MAGI2: variants seen among roughly 807,000 people sequenced by gnomAD.
The protein encoded by MAGI2 is membrane associated guanylate kinase, WW and PDZ domain containing 2, also known as membrane-associated guanylate kinase, WW and PDZ domain-containing protein 2.
In MAGI2, 35 loss-of-function variants were observed where a neutral mutation model predicts 133.3. The ratio of observed to expected loss-of-function variants is 0.26; its 90% CI spans 0.20 to 0.35. The LOEUF (loss-of-function observed/expected upper bound fraction) is 0.35. Ranked by LOEUF, MAGI2 falls within the 10% of genes least tolerant of loss-of-function variation. MAGI2 has a pLI of 1.00. For synonymous variants in MAGI2, 729 were observed against 710.6 expected (o/e 1.03, Z -0.41); for missense variants, 1,636 against 1,863.4 (o/e 0.88, Z 2.25).
intron 2 of MAGI2, among the ~76,000 whole-genome samples, chr7:78,717,787 C>T (rs1819863040): frequency 2.0e-5 from 3 of 152,132 alleles, no homozygotes; most frequent in African/African-American, 4.8e-5. Context: ...CTTTCCTAAG[C>T]ACAGAGCTTG....
At chr7:78,343,175 A>T (rs1790568564) in intron 9 of MAGI2, among the ~76,000 whole-genome samples, 1 of 152,192 alleles carries the variant, frequency 6.6e-6, no homozygotes, top group African/African-American at 2.4e-5. Context: ...TGTATTTTAT[A>T]TGTTTCTGTC....
chr7:78,878,962 A>C (rs1230197839), intron 2 of MAGI2, among the ~76,000 whole-genome samples: 1 of 152,096 alleles, frequency 6.6e-6, no homozygotes, highest in Non-Finnish European at 1.5e-5. Flanking sequence ...GATTCACCTC[A>C]TTCTTCCTGT....
intron 2 of MAGI2, among the ~76,000 whole-genome samples, chr7:78,751,804 T>C (rs1487512412): frequency 2.0e-5 from 3 of 152,188 alleles, no homozygotes; most frequent in Admixed American, 1.3e-4. Flanking sequence ...TGGCACCAGG[T>C]AAGTATCCCA....
intron 1 of MAGI2, among the ~76,000 whole-genome samples, chr7:79,397,772 A>G (rs1845169417): frequency 6.6e-6 from 1 of 152,000 alleles, no homozygotes; most frequent in African/African-American, 2.4e-5. Context: ...TCCCCCTCCA[A>G]CCTTTTCTTT....
chr7:78,665,358 T>A (rs1813437507), intron 2 of MAGI2, among the ~76,000 whole-genome samples: 1 of 152,132 alleles, frequency 6.6e-6, no homozygotes, highest in Non-Finnish European at 1.5e-5. Flanking sequence ...TAACAATGGA[T>A]AATGAACTCC....
chr7:78,745,858 T>TG (rs1408378929), intron 2 of MAGI2, among the ~76,000 whole-genome samples: 1 of 152,214 alleles, frequency 6.6e-6, no homozygotes, highest in Admixed American at 6.5e-5. Context: ...CTCCCTATCC[T>TG]GCTTTATGAG....
At chr7:79,357,214 G>T (rs1272497470) in intron 1 of MAGI2, among the ~76,000 whole-genome samples, 1 of 152,178 alleles carries the variant, frequency 6.6e-6, no homozygotes, top group African/African-American at 2.4e-5. Flanking sequence ...AACAGCTAAA[G>T]AAAGAGTCAA....
intron 1 of MAGI2, among the ~76,000 whole-genome samples, chr7:79,029,878 A>C (rs1193575856): frequency 1.3e-5 from 2 of 152,172 alleles, no homozygotes; most frequent in Non-Finnish European, 2.9e-5. Context: ...TGGTCTCTTG[A>C]TTTTGTTCCA....
intron 2 of MAGI2, among the ~76,000 whole-genome samples, chr7:78,972,747 G>A (rs1429527041): frequency 6.6e-6 from 1 of 151,726 alleles, no homozygotes; most frequent in Non-Finnish European, 1.5e-5. Context: ...GCAAATAGTG[G>A]TATTGTATAA....
chr7:78,028,230 G>A (rs547014352), intron 21 of MAGI2, among the ~76,000 whole-genome samples: 35 of 152,294 alleles, frequency 2.3e-4, no homozygotes, highest in African/African-American at 7.9e-4. Context: ...TGGAGCCATC[G>A]TTAATGGCCT....
chr7:79,007,096 C>T lies in MAGI2; in HGVS notation c.412G>A (p.Val138Met). Residue 138 changes from valine to methionine, a missense_variant, in exon 2 of 22, where the codon GTG becomes ATG. Physicochemically the swap from Val to Met is conservative, Grantham distance 21 (BLOSUM62 1). Around this residue, in one of 5 missense-constraint regions of MAGI2, gnomAD observed 148 missense variants for 239.0 expected, o/e 0.62. Transcript: ENST00000354212. Reference sequence around the variant, plus strand: ...TACTGCCCATTGTACTCACATGGCACCGTGCGGAGGTAGAGGTTGTCACGA... The same window carrying T: ...TACTGCCCATTGTACTCACATGGCATCGTGCGGAGGTAGAGGTTGTCACGA... ...IIRDNLYLRTVPCTTRPHKEG... is the reference protein window; with the variant it reads ...IIRDNLYLRTMPCTTRPHKEG... The T allele has an allele frequency of 1.9e-6, 3 of 1,604,054 alleles. No homozygotes were observed. The highest frequency in any genetic ancestry group is 1.7e-6 in the Non-Finnish European group (2 of 1,174,774).
chr7:78,251,808 C>T (rs1010658686), intron 10 of MAGI2: 6 of 152,108 alleles, frequency 3.9e-5, no homozygotes, highest in Non-Finnish European at 7.4e-5. Context: ...CAATGAAACA[C>T]CCAAATCTCA....
intron 1 of MAGI2, among the ~76,000 whole-genome samples, chr7:79,027,182 C>T (rs1337111695): frequency 1.3e-5 from 2 of 151,970 alleles, no homozygotes; most frequent in Non-Finnish European, 2.9e-5. Context: ...CTAGCAATCT[C>T]ACGTCTGGGT....
rs1807866451 is a variant in MAGI2, at chr7:78,017,119, A to G, written c.*2196T>C. ...ATTTGACAGTGTTTTAGAATATCAT[A>G]CAGTAAACAAGATTTCTGTAAAAGT... On this transcript the variant is annotated 3_prime_UTR_variant, in exon 22 of 22. Coordinates refer to ENST00000354212, the MANE Select transcript of MAGI2 (RefSeq NM_012301.4). 6.5e-6 allele frequency: 1 copy of G among 152,678 alleles called. No homozygotes were observed. The highest frequency in any genetic ancestry group is 1.9e-4 in the East Asian group (1 of 5,206). The allele number at this position is 152,678 out of a possible 1,614,324, so 9.5% of individuals were successfully genotyped here.
At chr7:78,361,200 C>T (rs989120471) in intron 7 of MAGI2, among the ~76,000 whole-genome samples, 2 of 152,048 alleles carry the variant, frequency 1.3e-5, no homozygotes, top group African/African-American at 4.8e-5. Flanking sequence ...TCAAGACCAG[C>T]CCGGCCAAGA....
At chr7:79,360,017 GT>G (rs1842282581) in intron 1 of MAGI2, among the ~76,000 whole-genome samples, 2 of 152,074 alleles carry the variant, frequency 1.3e-5, no homozygotes, top group Admixed American at 1.3e-4. Flanking sequence ...CATCAGAATT[GT>G]CTGAGTCATC....
intron 2 of MAGI2, among the ~76,000 whole-genome samples, chr7:78,627,604 A>G (rs1808508918): frequency 6.6e-6 from 1 of 152,186 alleles, no homozygotes; most frequent in South Asian, 2.1e-4. Context: ...ATGAACCTCT[A>G]TTGTCCTGCA....
At chr7:78,448,503 G>C (rs1788384972) in intron 6 of MAGI2, among the ~76,000 whole-genome samples, 2 of 152,050 alleles carry the variant, frequency 1.3e-5, no homozygotes, top group Non-Finnish European at 2.9e-5. Context: ...TGAGCAAGAA[G>C]TTACTAAATC....
At chr7:79,074,441 T>C (rs1278660138) in intron 1 of MAGI2, among the ~76,000 whole-genome samples, 1 of 152,224 alleles carries the variant, frequency 6.6e-6, no homozygotes, top group East Asian at 1.9e-4. Context: ...CTCAATTATG[T>C]TGACCTTATG....
Sources: allele counts gnomAD v4.1 joint callset (sites outside exome capture counted in the v4.1 genomes callset), GRCh38; gene constraint gnomAD v4.1.1; regional missense constraint gnomAD v4.1.1; transcripts MANE v1.5; gene names NCBI Gene and HGNC (gene_info 2026-07-23, HGNC 2026-07-21).